Variants in CDYL2 observed in about 807,000 individuals in gnomAD.
The protein encoded by CDYL2 is chromodomain Y like 2.
A neutral mutation model predicts 49.4 loss-of-function variants in CDYL2; 23 were observed. The observed-to-expected ratio is 0.47, with a 90% CI of 0.34 to 0.66. CDYL2 has a LOEUF of 0.66. CDYL2 is among the 30% of genes least tolerant of loss of function. CDYL2 has a pLI of 0.01. For synonymous variants in CDYL2, 360 were observed against 268.8 expected (o/e 1.34, Z -3.32); for missense variants, 678 against 656.4 (o/e 1.03, Z -0.36).
rs1174809665 is a variant in CDYL2, at chr16:80,612,006, C to A, written c.1218+620G>T. On this transcript the variant is annotated intron_variant, in intron 5 of 6. Transcript: ENST00000570137. This position sits in a 1 kb window ranked among gnomAD's most constrained non-coding sequence, Gnocchi z 5.0. ...CAATCGTTTCCACATGGGGTGGAGACTGCTTTGTGTCCACTGAATCCTTTC... is the reference window on the plus strand; with the variant it reads ...CAATCGTTTCCACATGGGGTGGAGAATGCTTTGTGTCCACTGAATCCTTTC... Among the ~76,000 whole-genome samples the A allele has an allele frequency of 6.6e-6, 1 of 152,246 alleles. No individual in the cohort carries two copies. Among genetic ancestry groups the A allele is most frequent in the Non-Finnish European group, 1.5e-5 (1 of 68,044 alleles).
intron 1 of CDYL2, among the ~76,000 whole-genome samples, chr16:80,775,856 T>C (rs1907065535): frequency 1.3e-5 from 2 of 151,110 alleles, no homozygotes; most frequent in Admixed American, 6.6e-5. Context: ...ATCTTAATTA[T>C]TAATACATAT....
chr16:80,744,729 G>A (rs1449404242), intron 1 of CDYL2, among the ~76,000 whole-genome samples: 2 of 152,162 alleles, frequency 1.3e-5, no homozygotes, highest in African/African-American at 4.8e-5. Context: ...TTAGTGGCAT[G>A]GGTCAACACA....
chr16:80,695,581 C>G (rs898150761), intron 1 of CDYL2, among the ~76,000 whole-genome samples: 5 of 151,866 alleles, frequency 3.3e-5, no homozygotes, highest in African/African-American at 9.7e-5. Context: ...AAACAGAAAC[C>G]AAAAATGAGC....
intron 1 of CDYL2, among the ~76,000 whole-genome samples, chr16:80,711,097 A>C (rs1021924033): frequency 3.9e-5 from 6 of 152,226 alleles, no homozygotes; most frequent in South Asian, 2.1e-4. Flanking sequence ...ACCAATGGAA[A>C]GTAAAGGTTG....
intron 2 of CDYL2, among the ~76,000 whole-genome samples, chr16:80,650,509 C>A (rs1043124039): frequency 5.3e-5 from 8 of 152,164 alleles, no homozygotes; most frequent in Non-Finnish European, 7.4e-5. Flanking sequence ...AACTCTCACA[C>A]ACTGTTGGTG....
chr16:80,748,237 G>C (rs1906002582), intron 1 of CDYL2, among the ~76,000 whole-genome samples: 1 of 149,538 alleles, frequency 6.7e-6, no homozygotes, highest in South Asian at 2.1e-4. Flanking sequence ...TTAAAACTCA[G>C]GTGGGTGGAC....
rs554857103 is a variant in CDYL2, at chr16:80,656,739, C to T, written c.617-23503G>A. On this transcript the variant is annotated intron_variant, in intron 2 of 6. Coordinates refer to ENST00000570137, the MANE Select transcript of CDYL2 (RefSeq NM_152342.4). Reference sequence around the variant, plus strand: ...AAGGAGAGAGTCAATAAGATGAAGCCGGGCTCACAAACGAGATAATCATCT... The same window carrying T: ...AAGGAGAGAGTCAATAAGATGAAGCTGGGCTCACAAACGAGATAATCATCT... Among the ~76,000 whole-genome samples, 19 of 152,226 alleles carry T rather than the reference C, an allele frequency of 1.2e-4. No individual in the cohort carries two copies. The South Asian group carries it at 3.3e-3, about 27-fold the overall frequency.
intron 1 of CDYL2, among the ~76,000 whole-genome samples, chr16:80,755,266 T>A (rs142484929): frequency 6.6e-6 from 1 of 152,200 alleles, no homozygotes; most frequent in African/African-American, 2.4e-5. Flanking sequence ...GAAACCTGAA[T>A]CTTAGCCTTT....
chr16:80,678,760 G>C (rs1324038070), intron 2 of CDYL2, among the ~76,000 whole-genome samples: 12 of 149,428 alleles, frequency 8.0e-5, no homozygotes, highest in African/African-American at 1.8e-4. Context: ...TCCCATTACT[G>C]GGTATATACC....
In CDYL2 at chr16:80,794,494, A is replaced by G. The variant is rs547637889; in HGVS notation, c.24+9656T>C. Reference sequence around the variant, plus strand: ...GGTATGCTCACCAAAAAAGGAACTGACATGGCTGCACCTTTTAACATATGG... The same window carrying G: ...GGTATGCTCACCAAAAAAGGAACTGGCATGGCTGCACCTTTTAACATATGG... On this transcript the variant is annotated intron_variant, in intron 1 of 6. Transcript: ENST00000570137. Among the ~76,000 whole-genome samples, 3 of 152,212 alleles carry G rather than the reference A, an allele frequency of 2.0e-5. No homozygotes were observed. In the South Asian group the frequency reaches 6.2e-4, roughly 32 times the overall value.
chr16:80,623,106 A>C (rs993397384), intron 3 of CDYL2, among the ~76,000 whole-genome samples: 2 of 152,202 alleles, frequency 1.3e-5, no homozygotes, highest in African/African-American at 4.8e-5. Context: ...AAGCACTTTC[A>C]AACTTCGCTG....
rs1457403818 is a variant in CDYL2 at position 80,599,262 on chromosome 16, G to A, written c.*5126C>T. Reference sequence around the variant, plus strand: ...AAATCTCCATCTTAATGGCTGATAAGTTGACTTTATAAATACATACCAGAG... The same window carrying A: ...AAATCTCCATCTTAATGGCTGATAAATTGACTTTATAAATACATACCAGAG... On this transcript the variant is annotated 3_prime_UTR_variant, in exon 7 of 7. Transcript: ENST00000570137. The A allele has an allele frequency of 6.6e-6, 1 of 152,198 alleles. No individual in the cohort carries two copies. The highest frequency in any genetic ancestry group is 1.5e-5 in the Non-Finnish European group (1 of 68,044). The allele number at this position is 152,198 out of a possible 1,614,324, so 9.4% of individuals were successfully genotyped here.
chr16:80,782,375 A>G (rs1266708288), intron 1 of CDYL2, among the ~76,000 whole-genome samples: 2 of 151,918 alleles, frequency 1.3e-5, no homozygotes, highest in Admixed American at 1.3e-4. Context: ...AGAAAAGGCC[A>G]AGACCAAGCC....
At chr16:80,709,189 C>A (rs1027988342) in intron 1 of CDYL2, among the ~76,000 whole-genome samples, 3 of 152,232 alleles carry the variant, frequency 2.0e-5, no homozygotes, top group South Asian at 4.2e-4. Context: ...CAAGACCACC[C>A]TGGCCAACAT....
intron 2 of CDYL2, among the ~76,000 whole-genome samples, chr16:80,661,335 GC>G (rs1047672732): frequency 6.6e-6 from 1 of 152,130 alleles, no homozygotes; most frequent in African/African-American, 2.4e-5. Flanking sequence ...ATCTACACCT[GC>G]CCCCACAACA....
At chr16:80,763,826 A>G (rs142114981) in intron 1 of CDYL2, among the ~76,000 whole-genome samples, 96 of 152,310 alleles carry the variant, frequency 6.3e-4, no homozygotes, top group East Asian at 1.9e-3. Context: ...AGTGGTGAAG[A>G]CAGATGAAAG....
intron 2 of CDYL2, among the ~76,000 whole-genome samples, chr16:80,667,265 C>T (rs1333103593): frequency 6.6e-6 from 1 of 152,122 alleles, no homozygotes; most frequent in Non-Finnish European, 1.5e-5. Context: ...AGCCTGACTA[C>T]CCGAGGAATT....
intron 1 of CDYL2, among the ~76,000 whole-genome samples, chr16:80,769,935 G>C (rs1429109285): frequency 6.6e-6 from 1 of 151,984 alleles, no homozygotes; most frequent in Non-Finnish European, 1.5e-5. Context: ...AGAATAAGAG[G>C]ACTACACAAC....
Position 80,684,797 on chromosome 16 carries a change from C to A in CDYL2, c.357G>T (p.Gly119=). The change falls in exon 2 of 7, where the codon GGG becomes GGT. Residue 119 remains glycine, a synonymous_variant. Coordinates refer to ENST00000570137, the MANE Select transcript of CDYL2 (RefSeq NM_152342.4). ...CTCCTGAAGAGGGCTTGCCTGAATA[C>A]CCTTTTTTTGGCTTGGCCAGGGGAG... The part of the protein sequence containing the change: ...INPPLAKPKK[G]YSGKPSSGGD... The A allele has an allele frequency of 6.2e-7, 1 of 1,614,210 alleles. No individual in the cohort carries two copies. The highest frequency in any genetic ancestry group is 8.5e-7 in the Non-Finnish European group (1 of 1,180,050).
Sources: allele counts gnomAD v4.1 joint callset (sites outside exome capture counted in the v4.1 genomes callset), GRCh38; gene constraint gnomAD v4.1.1; non-coding constraint Gnocchi (gnomAD v3.1); transcripts MANE v1.5; gene names NCBI Gene and HGNC (gene_info 2026-07-23, HGNC 2026-07-21).